IGSF10: variants seen among roughly 807,000 people sequenced by gnomAD.
IGSF10 encodes calvaria mechanical force protein 608.
A neutral mutation model predicts 128.2 loss-of-function variants in IGSF10; 126 were observed. That is an observed-to-expected ratio of 0.98 (90% confidence interval 0.85 to 1.14). IGSF10 has a LOEUF of 1.14. IGSF10 is among the 50% of genes most tolerant of loss of function. IGSF10 has a pLI of 0.00. For missense variants in IGSF10, 3,295 were observed against 3,149.8 expected, an observed-to-expected ratio of 1.05 and a Z score of -1.10; for synonymous variants, 1,185 against 1,146.2, an observed-to-expected ratio of 1.03 and a Z score of -0.68.
the IGSF10 span, among the ~76,000 whole-genome samples, chr3:151,504,046 C>T: frequency 2.0e-5 from 3 of 152,068 alleles, no homozygotes; most frequent in African/African-American, 7.2e-5. Flanking sequence ...TGGCCTCTGG[C>T]TGCATGACAC....
the IGSF10 span, among the ~76,000 whole-genome samples, chr3:151,615,616 A>C: frequency 3.3e-5 from 5 of 152,200 alleles, no homozygotes; most frequent in African/African-American, 1.2e-4. Context: ...AAAAATTTTA[A>C]GTACGCTCTT....
chr3:151,454,695 A>T (rs1291992914), intron 4 of IGSF10, among the ~76,000 whole-genome samples: 2 of 152,118 alleles, frequency 1.3e-5, no homozygotes, highest in African/African-American at 4.8e-5. Flanking sequence ...TTCACATGCC[A>T]TAAAATCCAC....
chr3:151,549,728 CAG>C, the IGSF10 span, among the ~76,000 whole-genome samples: 1 of 152,146 alleles, frequency 6.6e-6, no homozygotes, highest in African/African-American at 2.4e-5. Context: ...ACCAGAGAGG[CAG>C]AGAGAGTAAA....
In IGSF10 at chr3:151,446,426, G is replaced by A; in HGVS notation, c.3555C>T (p.Ile1185=). Residue 1185 remains isoleucine, a synonymous_variant, in exon 6 of 8, where the codon ATC becomes ATT. Transcript: ENST00000282466. ...CTATAATAGTCATTGGTGGCTTGGT[G>A]ATAGCACCTGAAAGTGACGATGTAA... The part of the protein sequence containing the change: ...SVITSSLSGA[I]TKPPMTIIAI... 1 of 1,614,044 alleles carries A rather than the reference G, an allele frequency of 6.2e-7. No individual in the cohort carries two copies. Among genetic ancestry groups the A allele is most frequent in the South Asian group, 1.1e-5 (1 of 91,080 alleles).
Position 151,445,560 on chromosome 3 carries a change from G to A in IGSF10, c.4421C>T (p.Pro1474Leu). 6.2e-7 allele frequency: 1 copy of A among 1,614,182 alleles called. No individual in the cohort carries two copies. The highest frequency in any genetic ancestry group is 1.1e-5 in the South Asian group (1 of 91,074). Residue 1474 changes from proline (P) to leucine (L), a missense_variant, in exon 6 of 8, where the codon CCA (proline) becomes CTA (leucine). By Grantham distance (98) the Pro-to-Leu change is moderately conservative. Coordinates refer to ENST00000282466, the MANE Select transcript of IGSF10 (RefSeq NM_178822.5). ...AGTAAAGGGAGGGGAGATGGGAACTGGCATTAGAGTAGCACTGCTGCTCAA... is the reference window on the plus strand; with the variant it reads ...AGTAAAGGGAGGGGAGATGGGAACTAGCATTAGAGTAGCACTGCTGCTCAA... ...PFLSSSATLMPVPISPPFTQR... is the reference protein window; with the variant it reads ...PFLSSSATLMLVPISPPFTQR...
chr3:151,477,805 A>AG, the IGSF10 span, among the ~76,000 whole-genome samples: 1 of 152,196 alleles, frequency 6.6e-6, no homozygotes, highest in Non-Finnish European at 1.5e-5. Context: ...GTGATATGTT[A>AG]GGCTTTGTGG....
chr3:151,567,254 T>C, the IGSF10 span, among the ~76,000 whole-genome samples: 1 of 152,210 alleles, frequency 6.6e-6, no homozygotes, highest in Non-Finnish European at 1.5e-5. Flanking sequence ...TCACCTCTGC[T>C]TCATTTTTTG....
the IGSF10 span, among the ~76,000 whole-genome samples, chr3:151,532,202 A>G: frequency 5.3e-4 from 81 of 152,004 alleles, no homozygotes; most frequent in African/African-American, 1.8e-3. Context: ...TACAAACACC[A>G]CAAAAAAGTC....
the IGSF10 span, among the ~76,000 whole-genome samples, chr3:151,603,446 C>T: frequency 6.6e-6 from 1 of 152,292 alleles, no homozygotes; most frequent in South Asian, 2.1e-4. Flanking sequence ...TATTTCAGTT[C>T]TTCTAAGAGG....
chr3:151,459,388 TAATC>T (rs1226597045), intron 2 of IGSF10, among the ~76,000 whole-genome samples: 1 of 152,200 alleles, frequency 6.6e-6, no homozygotes, highest in Non-Finnish European at 1.5e-5. Context: ...AAGGTTGTAA[TAATC>T]CACTGGAAGG....
At chr3:151,496,317 T>C in the IGSF10 span, among the ~76,000 whole-genome samples, 1 of 151,098 alleles carries the variant, frequency 6.6e-6, no homozygotes, top group Non-Finnish European at 1.5e-5. Context: ...CATTTAACAT[T>C]AGGTTTATCT....
chr3:151,559,731 G>A, the IGSF10 span, among the ~76,000 whole-genome samples: 1 of 152,128 alleles, frequency 6.6e-6, no homozygotes, highest in African/African-American at 2.4e-5. Flanking sequence ...GAGAGTAAGA[G>A]AGTGGTCCTC....
At position 151,445,065 on chromosome 3, in the gene IGSF10, G is replaced by T. The variant is rs1382962843; in HGVS notation, c.4916C>A (p.Ser1639Tyr). Residue 1639 changes from serine (S) to tyrosine (Y), a missense_variant, in exon 6 of 8, where the codon TCT (serine) becomes TAT (tyrosine). By Grantham distance (144) the Ser-to-Tyr change is moderately radical. Coordinates refer to ENST00000282466, the MANE Select transcript of IGSF10 (RefSeq NM_178822.5). Reference sequence around the variant, plus strand: ...CTTTTCAAATATATACCTAGACAAAGAGTCAAAGGGAAGGAGTTTGGAAGT... The same window carrying T: ...CTTTTCAAATATATACCTAGACAAATAGTCAAAGGGAAGGAGTTTGGAAGT... ...ATTSKLLPFD[S>Y]LSRYIFEKPR... 1 of 1,614,190 alleles carries T rather than the reference G, an allele frequency of 6.2e-7. No homozygotes were observed. The highest frequency in any genetic ancestry group is 8.5e-7 in the Non-Finnish European group (1 of 1,180,026).
At chr3:151,455,381 G>A (rs1401734750) in intron 4 of IGSF10, among the ~76,000 whole-genome samples, 1 of 151,814 alleles carries the variant, frequency 6.6e-6, no homozygotes, top group Non-Finnish European at 1.5e-5. Flanking sequence ...CCAAAGTTCT[G>A]GGGTTACAGG....
the IGSF10 span, among the ~76,000 whole-genome samples, chr3:151,536,375 T>C: frequency 1.3e-5 from 2 of 152,318 alleles, no homozygotes; most frequent in East Asian, 3.9e-4. Flanking sequence ...TTCTTTCCCA[T>C]GTAGAGTTTA....
At chr3:151,619,103 TAAAG>T in the IGSF10 span, among the ~76,000 whole-genome samples, 1 of 151,792 alleles carries the variant, frequency 6.6e-6, no homozygotes, top group African/African-American at 2.4e-5. Flanking sequence ...ATACTAAAAA[TAAAG>T]ATTTTAAATT....
At chr3:151,489,178 C>T in the IGSF10 span, among the ~76,000 whole-genome samples, 9 of 151,970 alleles carry the variant, frequency 5.9e-5, no homozygotes, top group African/African-American at 1.9e-4. Context: ...ATGAACAGAC[C>T]CTTCTCAAAA....
chr3:151,541,923 A>G, the IGSF10 span, among the ~76,000 whole-genome samples: 4 of 152,190 alleles, frequency 2.6e-5, no homozygotes, highest in African/African-American at 9.7e-5. Flanking sequence ...TGTATGCGGC[A>G]GGTAGCATGA....
chr3:151,571,505 G>C, the IGSF10 span, among the ~76,000 whole-genome samples: 1 of 152,126 alleles, frequency 6.6e-6, no homozygotes, highest in African/African-American at 2.4e-5. Flanking sequence ...GTTCACTCAT[G>C]ATTTGGCTCT....
Sources: gnomAD v4.1 joint callset for allele counts (sites outside exome capture counted in the v4.1 genomes callset) on GRCh38, gnomAD v4.1.1 for gene constraint, MANE v1.5 for transcripts, NCBI Gene and HGNC (gene_info 2026-07-23, HGNC 2026-07-21) for gene names.